The following RAD9B variants were observed in gnomAD, a reference collection of about 807,000 sequenced individuals.
RAD9B encodes the protein cell cycle checkpoint control protein RAD9B.
Under a neutral mutation model 48.3 loss-of-function variants are expected in RAD9B, and 41 were observed. The ratio of observed to expected loss-of-function variants is 0.85; its 90% CI spans 0.66 to 1.10. RAD9B has a LOEUF of 1.10. Among genes scored for constraint, RAD9B ranks in the 50% least tolerant of loss-of-function variants. The probability of loss-of-function intolerance (pLI) is 0.00; values close to 1 mark genes in which losing one functional copy is unlikely to be tolerated. For synonymous variants in RAD9B, 160 were observed against 157.9 expected, an observed-to-expected ratio of 1.01 and a Z score of -0.10; for missense variants, 444 against 485.1, an observed-to-expected ratio of 0.92 and a Z score of 0.80.
Position 110,531,656 on chromosome 12 carries a change from G to T in RAD9B, c.*1003G>T, listed in dbSNP as rs750936796. 7 of 1,604,732 alleles carry T rather than the reference G, an allele frequency of 4.4e-6. No homozygotes were observed. Among genetic ancestry groups the T allele is most frequent in the Non-Finnish European group, 6.0e-6 (7 of 1,176,348 alleles). ...ATAGAACAGTATCCTCCACTGCCAA[G>T]ACAGCCTGAGTTTGGAGTGGAATAA... On this transcript the variant is annotated 3_prime_UTR_variant, in exon 11 of 11. Transcript: ENST00000409300.
chr12:110,518,826 T>G (rs1219413700), intron 7 of RAD9B, 44 bp downstream of exon 7: 3 of 1,568,234 alleles, frequency 1.9e-6, no homozygotes, highest in East Asian at 4.5e-5. Context: ...ATTTTCACTG[T>G]AAGTTTTTAT....
At chr12:110,515,001 TTC>T (rs1417133880) in intron 5 of RAD9B, 47 bp from the exon 6 acceptor site, 18 of 1,139,330 alleles carry the variant, frequency 1.6e-5, no homozygotes, top group East Asian at 2.7e-5. Context: ...AGGTATGTCT[TTC>T]TGTTTGTTTT....
In RAD9B at chr12:110,531,249, G is replaced by GAGATTGCACCACTGCACT; in HGVS notation, c.*596_*597insAGATTGCACCACTGCACT. 2.8e-6 allele frequency: 2 copies of GAGATTGCACCACTGCACT among 702,882 alleles called. No homozygotes were observed. The highest frequency in any genetic ancestry group is 3.7e-6 in the Non-Finnish European group (2 of 545,542). The allele number at this position is 702,882 out of a possible 1,614,324, so 43.5% of individuals were successfully genotyped here. A position where few individuals can be genotyped will look rare whatever the true frequency, so the allele number is the denominator to read the frequency against. ...ACTTTGTCACTCAGGCTCAAGTGCA[G>GAGATTGCACCACTGCACT]TGGTGCAATCTCTGCTCACTGCAAC... On this transcript the variant is annotated 3_prime_UTR_variant, in exon 11 of 11. Coordinates refer to ENST00000409300, the MANE Select transcript of RAD9B (RefSeq NM_001286535.2).
intron 4 of RAD9B, 142 bp downstream of exon 4, chr12:110,506,835 G>T: frequency 1.7e-5 from 8 of 470,948 alleles, no homozygotes; most frequent in Middle Eastern, 6.1e-4. Flanking sequence ...GCAGTTTGAA[G>T]TATTATCCTT....
At chr12:110,525,883 G>A (rs1307227315) in intron 10 of RAD9B, among the ~76,000 whole-genome samples, 2 of 152,134 alleles carry the variant, frequency 1.3e-5, no homozygotes, top group Non-Finnish European at 2.9e-5. Flanking sequence ...GTAGAGACAG[G>A]GTTTCACCAT....
At position 110,531,013 on chromosome 12, in the gene RAD9B, G is replaced by A; in HGVS notation, c.*360G>A. 9.9e-7 allele frequency: 1 copy of A among 1,010,568 alleles called. No homozygotes were observed. The highest frequency in any genetic ancestry group is 1.2e-6 in the Non-Finnish European group (1 of 846,624). The allele number at this position is 1,010,568 out of a possible 1,614,324, so 62.6% of individuals were successfully genotyped here. On this transcript the variant is annotated 3_prime_UTR_variant, in exon 11 of 11. Coordinates refer to ENST00000409300, the MANE Select transcript of RAD9B (RefSeq NM_001286535.2). ...CAACAGCCATTTAGAGTGCCATCAA[G>A]ATGGCTTGAAATGGAATTTTGTGAT...
Position 110,531,647 on chromosome 12 carries a change from C to CA in RAD9B, c.*995dup, listed in dbSNP as rs2064143274. On this transcript the variant is annotated 3_prime_UTR_variant, in exon 11 of 11. Coordinates refer to ENST00000409300, the MANE Select transcript of RAD9B (RefSeq NM_001286535.2). ...TTATCTGACATAGAACAGTATCCTC[C>CA]ACTGCCAAGACAGCCTGAGTTTGGA... The CA allele has an allele frequency of 1.2e-6, 2 of 1,607,956 alleles. No homozygotes were observed. Among genetic ancestry groups the CA allele is most frequent in the Non-Finnish European group, 1.7e-6 (2 of 1,178,052 alleles).
rs201984831 is a variant in RAD9B, at chr12:110,530,539, C to A, written c.1140C>A (p.Phe380Leu). 1.8e-4 allele frequency: 289 copies of A among 1,613,742 alleles called. No individual in the cohort carries two copies. The highest frequency in any genetic ancestry group is 1.3e-3 in the Middle Eastern group (8 of 6,080). The change falls in exon 11 of 11, where the codon TTC (phenylalanine) becomes TTA (leucine). Residue 380 changes from phenylalanine to leucine, a missense_variant. By Grantham distance (22) the Phe-to-Leu change is conservative (BLOSUM62 0). Coordinates refer to ENST00000409300, the MANE Select transcript of RAD9B (RefSeq NM_001286535.2). The part of the protein sequence containing the change: ...SLCLRKFSCM[F>L]FGAVSSDQQE... Reference sequence around the variant, plus strand: ...TTTCCCTCCAGTTTTCTTGCATGTTCTTTGGAGCAGTTTCTTCTGACCAGC... The same window carrying A: ...TTTCCCTCCAGTTTTCTTGCATGTTATTTGGAGCAGTTTCTTCTGACCAGC...
In RAD9B at chr12:110,505,676, T is replaced by C. The variant is rs1244757882; in HGVS notation, c.177T>C (p.Pro59=). The C allele has an allele frequency of 3.8e-6, 6 of 1,592,234 alleles. No homozygotes were observed. The South Asian group carries it at 6.8e-5, about 18-fold the overall frequency. The change falls in exon 3 of 11, where the codon CCT becomes CCC. Residue 59 remains proline, a synonymous_variant. Coordinates refer to ENST00000409300, the MANE Select transcript of RAD9B (RefSeq NM_001286535.2). ...CATATGGATGTGTCCTGTTCTCTCC[T>C]GTGTTTTTTCAGCATTATCAATGGT... ...RSAYGCVLFS[P]VFFQHYQWSA... is the part of the protein sequence containing the mutation.
At chr12:110,505,185 G>A (rs1194059645) in intron 2 of RAD9B, among the ~76,000 whole-genome samples, 2 of 151,834 alleles carry the variant, frequency 1.3e-5, no homozygotes, top group East Asian at 3.9e-4. Context: ...CTATATGTAT[G>A]TATATATATA....
chr12:110,525,134 T>C (rs7964931), intron 10 of RAD9B, among the ~76,000 whole-genome samples: 28,644 of 151,896 alleles, frequency 0.19, 3,724 homozygotes, highest in African/African-American at 0.37. Context: ...TACAGGTGCC[T>C]ACCACCACGC....
chr12:110,511,744 A>G (rs2063466308), intron 4 of RAD9B, among the ~76,000 whole-genome samples: 1 of 152,252 alleles, frequency 6.6e-6, no homozygotes, highest in Non-Finnish European at 1.5e-5. Flanking sequence ...TTCTTAACAC[A>G]TAGAAATGAT....
Position 110,502,393 on chromosome 12 carries a change from C to T in RAD9B, c.46+10C>T, listed in dbSNP as rs1330323621. 1.2e-6 allele frequency: 2 copies of T among 1,613,412 alleles called. No homozygotes were observed. Among genetic ancestry groups the T allele is most frequent in the Non-Finnish European group, 1.7e-6 (2 of 1,179,686 alleles). ...GGCAGTCAGGTGAAAGGTGGAGCGGCCTTTGTTGTCTTCCCATTTAGCAGA... is the reference window on the plus strand; with the variant it reads ...GGCAGTCAGGTGAAAGGTGGAGCGGTCTTTGTTGTCTTCCCATTTAGCAGA... On this transcript the variant is annotated intron_variant, in intron 1 of 10. Transcript: ENST00000409300.
At chr12:110,519,278 AT>A (rs1268422689) in intron 8 of RAD9B, among the ~76,000 whole-genome samples, 4 of 150,728 alleles carry the variant, frequency 2.7e-5, no homozygotes, top group Non-Finnish European at 4.4e-5. Context: ...TAATTTTTGT[AT>A]TTTTGGTAGA....
rs976193820 is a variant in RAD9B, at chr12:110,502,497, C to T, written c.46+114C>T. ...TGCCTTTTTGCGCAATGACTGAGGACGCACGCCCTGGCCACAGCCCCACCC... is the reference window on the plus strand; with the variant it reads ...TGCCTTTTTGCGCAATGACTGAGGATGCACGCCCTGGCCACAGCCCCACCC... On this transcript the variant is annotated intron_variant, in intron 1 of 10. Transcript: ENST00000409300. 8 of 1,220,196 alleles carry T rather than the reference C, an allele frequency of 6.6e-6. No homozygotes were observed. In the African/African-American group the frequency reaches 1.0e-4, roughly 16 times the overall value. The allele number at this position is 1,220,196 out of a possible 1,614,324, so 75.6% of individuals were successfully genotyped here.
intron 10 of RAD9B, among the ~76,000 whole-genome samples, chr12:110,529,404 TAA>T (rs1491261198): frequency 2.0e-5 from 3 of 150,660 alleles, no homozygotes; most frequent in African/African-American, 4.9e-5. Flanking sequence ...CTCAGCCTCC[TAA>T]AGTGCTGGGA....
chr12:110,507,357 AATATGTATTATATATAAT>A (rs1276815217), intron 4 of RAD9B, among the ~76,000 whole-genome samples: 3 of 145,016 alleles, frequency 2.1e-5, no homozygotes, highest in Admixed American at 7.2e-5. Context: ...TTATATATAT[AATATGTATTATATATAAT>A]ATATGTATTA....
chr12:110,529,967 G>C (rs2135742793), intron 10 of RAD9B, among the ~76,000 whole-genome samples: 1 of 152,288 alleles, frequency 6.6e-6, no homozygotes, highest in Non-Finnish European at 1.5e-5. Flanking sequence ...TGATGGCTCA[G>C]GAGGGGAGTC....
At chr12:110,515,885 T>A (rs945365784) in intron 6 of RAD9B, among the ~76,000 whole-genome samples, 5 of 152,198 alleles carry the variant, frequency 3.3e-5, no homozygotes, top group Non-Finnish European at 5.9e-5. Flanking sequence ...AGTCATTTGA[T>A]CTTCATAACA....
Sources: gnomAD v4.1 joint callset for allele counts (sites outside exome capture counted in the v4.1 genomes callset) on GRCh38, gnomAD v4.1.1 for gene constraint, MANE v1.5 for transcripts, NCBI Gene and HGNC (gene_info 2026-07-23, HGNC 2026-07-21) for gene names.